Variants in BICD1 observed in about 807,000 individuals in gnomAD.
BICD1 encodes protein bicaudal D homolog 1.
In BICD1, 35 loss-of-function variants were observed where a neutral mutation model predicts 92.5. The observed-to-expected ratio is 0.38, with a 90% CI of 0.29 to 0.50. BICD1 has a LOEUF of 0.50. Ranked by LOEUF, BICD1 falls within the 20% of genes least tolerant of loss-of-function variation. BICD1 has a pLI of 0.93. For missense variants in BICD1, 950 were observed against 1,189.8 expected (o/e 0.80, Z 2.97); for synonymous variants, 429 against 465.1 (o/e 0.92, Z 1.00).
chr12:32,124,050 C>G (rs976303379), intron 1 of BICD1, among the ~76,000 whole-genome samples: 8 of 152,170 alleles, frequency 5.3e-5, no homozygotes, highest in Admixed American at 4.6e-4. Context: ...TGCTCTCTGT[C>G]CTTTATTCTC....
chr12:32,286,468 T>C (rs912972994), intron 2 of BICD1, among the ~76,000 whole-genome samples: 6 of 152,276 alleles, frequency 3.9e-5, no homozygotes, highest in African/African-American at 1.4e-4. Context: ...AAGAATGTAA[T>C]GAAATACTGT....
At chr12:32,376,911 T>C (rs1939995696) in intron 9 of BICD1, among the ~76,000 whole-genome samples, 1 of 148,114 alleles carries the variant, frequency 6.8e-6, no homozygotes, top group Non-Finnish European at 1.5e-5. Flanking sequence ...CTCTTCCTTA[T>C]ACCTCCAAGC....
Position 32,230,766 on chromosome 12 carries a change from A to G in BICD1, c.426+14307A>G, listed in dbSNP as rs542402356. 1.1e-4 allele frequency among the ~76,000 whole-genome samples: 17 copies of G among 152,298 alleles called. 1 individual carries two copies. In the South Asian group the frequency reaches 3.3e-3, roughly 30 times the overall value. On this transcript the variant is annotated intron_variant, in intron 2 of 9. Coordinates refer to ENST00000652176, the MANE Select transcript of BICD1 (RefSeq NM_001714.4). ...CAAAAGGGGCATCTGTCTCAGGCCC[A>G]GTGGCATGGGAGTGAAATAGCACTT...
intron 1 of BICD1, among the ~76,000 whole-genome samples, chr12:32,142,169 GC>G (rs1942944307): frequency 6.6e-6 from 1 of 151,924 alleles, no homozygotes; most frequent in Non-Finnish European, 1.5e-5. Context: ...ACTTTAGGAG[GC>G]CAAGGTGGGC....
chr12:32,225,132 T>C (rs965627523), intron 2 of BICD1, among the ~76,000 whole-genome samples: 2 of 152,248 alleles, frequency 1.3e-5, no homozygotes, highest in African/African-American at 4.8e-5. Context: ...CAGCCTCTGA[T>C]AACCAATGAT....
chr12:32,213,998 G>A (rs909258817), intron 1 of BICD1, among the ~76,000 whole-genome samples: 1 of 151,942 alleles, frequency 6.6e-6, no homozygotes, highest in Non-Finnish European at 1.5e-5. Context: ...CTATATTATT[G>A]TAATTCTACT....
intron 1 of BICD1, among the ~76,000 whole-genome samples, chr12:32,166,720 C>T (rs796747249): frequency 3.3e-4 from 50 of 152,310 alleles, no homozygotes; most frequent in African/African-American, 1.1e-3. Context: ...TACAGACAGG[C>T]GCCTGTCTCA....
intron 3 of BICD1, among the ~76,000 whole-genome samples, chr12:32,300,898 A>G (rs1365022275): frequency 6.6e-6 from 1 of 150,628 alleles, no homozygotes; most frequent in Admixed American, 6.6e-5. Flanking sequence ...TGATCCACCC[A>G]CCCCAGCCTC....
At chr12:32,255,044 T>C (rs2650124) in intron 2 of BICD1, among the ~76,000 whole-genome samples, 65,548 of 151,808 alleles carry the variant, frequency 0.43, 14,350 homozygotes, top group Non-Finnish European at 0.47. Flanking sequence ...TTCTCACAGT[T>C]CTGGAGTCTG....
intron 2 of BICD1, among the ~76,000 whole-genome samples, chr12:32,291,543 T>C (rs1232161613): frequency 6.7e-6 from 1 of 149,480 alleles, no homozygotes; most frequent in Non-Finnish European, 1.5e-5. Context: ...AAAAAAAATA[T>C]ATATTAAATT....
At chr12:32,352,803 G>A (rs1422219618) in intron 8 of BICD1, 2 of 152,010 alleles carry the variant, frequency 1.3e-5, no homozygotes, top group African/African-American at 4.8e-5. Context: ...GAGCCTGGGA[G>A]TTAGAGGCTG....
intron 2 of BICD1, among the ~76,000 whole-genome samples, chr12:32,256,246 TG>T (rs1946717702): frequency 6.6e-6 from 1 of 152,152 alleles, no homozygotes; most frequent in Admixed American, 6.6e-5. Context: ...GACGGGTTTT[TG>T]CTATGTTGCC....
At chr12:32,283,374 T>A (rs1030541215) in intron 2 of BICD1, among the ~76,000 whole-genome samples, 2 of 150,390 alleles carry the variant, frequency 1.3e-5, no homozygotes, top group African/African-American at 5.0e-5. Flanking sequence ...TCCACTCCAC[T>A]CCACTCCACT....
chr12:32,259,154 C>T (rs1444438493), intron 2 of BICD1, among the ~76,000 whole-genome samples: 1 of 152,166 alleles, frequency 6.6e-6, no homozygotes, highest in Admixed American at 6.5e-5. Flanking sequence ...CAGCACCTGA[C>T]CCTATACCCG....
At position 32,188,813 on chromosome 12, in the gene BICD1, C is replaced by G. The variant is rs149850942; in HGVS notation, c.214-27434C>G. ...TGCAATCTTGGCTCACTGCAACCTCCGCCTCTGGGGCTCAAGTGATTTTCC... is the reference window on the plus strand; with the variant it reads ...TGCAATCTTGGCTCACTGCAACCTCGGCCTCTGGGGCTCAAGTGATTTTCC... On this transcript the variant is annotated intron_variant, in intron 1 of 9. Coordinates refer to ENST00000652176, the MANE Select transcript of BICD1 (RefSeq NM_001714.4). Among the ~76,000 whole-genome samples, 17 of 151,968 alleles carry G rather than the reference C, an allele frequency of 1.1e-4. No homozygotes were observed. The East Asian group carries it at 3.3e-3, about 29-fold the overall frequency.
At chr12:32,296,575 G>A (rs936543959) in intron 3 of BICD1, among the ~76,000 whole-genome samples, 3 of 152,038 alleles carry the variant, frequency 2.0e-5, no homozygotes, top group Non-Finnish European at 4.4e-5. Context: ...GTATTTTCTT[G>A]TGGTCCTTTT....
chr12:32,221,356 AAAATAAATAAAT>A (rs1555150050), intron 2 of BICD1, among the ~76,000 whole-genome samples: 1 of 149,756 alleles, frequency 6.7e-6, no homozygotes, highest in Admixed American at 6.6e-5. Flanking sequence ...AAAAAATAAA[AAAATAAATAAAT>A]AAATAAATAA....
chr12:32,182,562 C>T (rs74379699), intron 1 of BICD1, among the ~76,000 whole-genome samples: 4,965 of 151,692 alleles, frequency 0.033, 158 homozygotes, highest in Non-Finnish European at 0.046. Flanking sequence ...GAAATATAGG[C>T]ATGAGCCACC....
intron 1 of BICD1, among the ~76,000 whole-genome samples, chr12:32,173,149 G>A (rs1475456679): frequency 6.6e-6 from 1 of 152,064 alleles, no homozygotes; most frequent in South Asian, 2.1e-4. Flanking sequence ...CAGGGTTCAA[G>A]CAATTCTCCT....
Sources: allele counts gnomAD v4.1 joint callset (sites outside exome capture counted in the v4.1 genomes callset), GRCh38; gene constraint gnomAD v4.1.1; transcripts MANE v1.5; gene names NCBI Gene and HGNC (gene_info 2026-07-23, HGNC 2026-07-21).